Variants in TRAF7 observed in about 807,000 individuals in gnomAD.
TRAF7 encodes E3 ubiquitin-protein ligase TRAF7.
TRAF7 carries 45 observed loss-of-function variants against 89.3 expected under a neutral mutation model. The observed-to-expected ratio is 0.50, with a 90% CI of 0.40 to 0.65. The LOEUF (loss-of-function observed/expected upper bound fraction) is 0.65. TRAF7 is among the 30% of genes least tolerant of loss of function. The pLI, the probability that TRAF7 is intolerant of heterozygous loss-of-function variation, is 0.00. For missense variants in TRAF7, 677 were observed against 918.1 expected, an observed-to-expected ratio of 0.74 and a Z score of 3.39; for synonymous variants, 406 against 369.2, an observed-to-expected ratio of 1.10 and a Z score of -1.14.
At position 2,173,177 on chromosome 16, in the gene TRAF7, C is replaced by T. The variant is rs752757128; in HGVS notation, c.795-5C>T. The T allele has an allele frequency of 8.4e-5, 135 of 1,602,936 alleles. No homozygotes were observed. The highest frequency in any genetic ancestry group is 1.7e-4 in the Middle Eastern group (1 of 6,036). On this transcript the variant is annotated splice_region_variant and splice_polypyrimidine_tract_variant and intron_variant, in intron 9 of 20. Transcript: ENST00000326181. ...GCCAGGCAGGCAGCTGTCCTGTCCC[C>T]GCAGGTGCACGTTCATCGGGAACCA... is the stretch of plus-strand genomic sequence containing the variant.
chr16:2,176,563 TG>T lies in TRAF7; in HGVS notation c.2004del (p.Trp668Ter). Reference sequence around the variant, plus strand: ...TGAAGCAGCCCTTTCTCTGCAGGTTTGGACTTGCTAACAGGATCCAGGCCAG... The same window carrying T: ...TGAAGCAGCCCTTTCTCTGCAGGTTTGACTTGCTAACAGGATCCAGGCCAG... ...SGAVDSTVKV[W>X]TC On this transcript the variant is annotated frameshift_variant, in exon 21 of 21. Transcript: ENST00000326181. LOFTEE classifies it high-confidence loss of function. The T allele has an allele frequency of 6.2e-7, 1 of 1,613,432 alleles. No homozygotes were observed. The highest frequency in any genetic ancestry group is 8.5e-7 in the Non-Finnish European group (1 of 1,179,998).
Position 2,163,753 on chromosome 16 carries a change from C to T in TRAF7, c.-38-130C>T, listed in dbSNP as rs749263331. On this transcript the variant is annotated intron_variant, in intron 1 of 20. Coordinates refer to ENST00000326181, the MANE Select transcript of TRAF7 (RefSeq NM_032271.3). This position sits in a 1 kb window ranked among gnomAD's most constrained non-coding sequence, Gnocchi z 4.3. ...TCCTAGAGGCCTGCCTGAGCCGGGG[C>T]TGGTGGTGGAAGGCTGCTGCGGCGG... The T allele has an allele frequency of 6.1e-6, 4 of 655,546 alleles. No homozygotes were observed. In the African/African-American group the frequency reaches 7.2e-5, roughly 12 times the overall value. The allele number at this position is 655,546 out of a possible 1,614,324, so 40.6% of individuals were successfully genotyped here.
At position 2,163,799 on chromosome 16, in the gene TRAF7, G is replaced by C. The variant is rs138967457; in HGVS notation, c.-38-84G>C. ...GGCGGCCCCACGGTGCCCCACAGCA[G>C]GTCTGCACACTTGCAGCAGCCCGTC... is the stretch of plus-strand genomic sequence containing the variant. On this transcript the variant is annotated intron_variant, in intron 1 of 20. Transcript: ENST00000326181. The surrounding 1 kb of genome is among the most constrained non-coding windows in gnomAD (Gnocchi z 4.3). 7.3e-3 allele frequency: 6,661 copies of C among 915,298 alleles called. 34 individuals are homozygous for C. The highest frequency in any genetic ancestry group is 8.2e-3 in the Non-Finnish European group (4,715 of 575,438). The allele number at this position is 915,298 out of a possible 1,614,324, so 56.7% of individuals were successfully genotyped here.
intron 2 of TRAF7, among the ~76,000 whole-genome samples, 178 bp downstream of exon 2, chr16:2,164,179 CGCACGCGTGCGTGT>C (rs1448419584): frequency 1.7e-5 from 2 of 120,874 alleles, no homozygotes; most frequent in Non-Finnish European, 3.4e-5. Context: ...CGCGCGCGCG[CGCACGCGTGCGTGT>C]GTGGTTGGGG....
Position 2,175,497 on chromosome 16 carries a change from C to T in TRAF7, c.1504-3C>T, listed in dbSNP as rs367708945. ...CAGCCCACAGTTGCAGCAATCCCTG[C>T]AGGTCTGGGACATCGTGGGCACTGA... On this transcript the variant is annotated splice_polypyrimidine_tract_variant and splice_region_variant and intron_variant, in intron 16 of 20. Coordinates refer to ENST00000326181, the MANE Select transcript of TRAF7 (RefSeq NM_032271.3). 1.9e-5 allele frequency: 30 copies of T among 1,613,192 alleles called. No homozygotes were observed. Among genetic ancestry groups the T allele is most frequent in the Non-Finnish European group, 1.9e-5 (23 of 1,179,896 alleles).
chr16:2,172,383 C>T lies in TRAF7; in HGVS notation c.659+9C>T, dbSNP rs2093115735. On this transcript the variant is annotated intron_variant, in intron 8 of 20. Transcript: ENST00000326181. The stretch of plus-strand genomic sequence containing the variant: ...AAGCTCAGCGCCCGGAAGTAAGTGC[C>T]CCTCCCTGGGCACCTCTGCCTCCCT... 6.2e-7 allele frequency: 1 copy of T among 1,611,596 alleles called. No individual in the cohort carries two copies.
intron 14 of TRAF7, among the ~76,000 whole-genome samples, chr16:2,174,852 T>C (rs538218547): frequency 2.0e-5 from 3 of 152,208 alleles, no homozygotes; most frequent in Non-Finnish European, 4.4e-5. Flanking sequence ...TGGGACTGAC[T>C]CAGGGCTGAC....
Position 2,166,009 on chromosome 16 carries a change from TGAGG to T in TRAF7, c.139+76_139+79del, listed in dbSNP as rs151202751. ...CCCCCATGCCCACCCTGCTAAGGAC[TGAGG>T]GACACTTCCCGGTGAGCTGGTGTTG... On this transcript the variant is annotated intron_variant, in intron 3 of 20. Coordinates refer to ENST00000326181, the MANE Select transcript of TRAF7 (RefSeq NM_032271.3). The T allele has an allele frequency of 7.0e-4, 1,105 of 1,575,302 alleles. 9 individuals are homozygous for T. In the East Asian group the frequency reaches 0.015, roughly 21 times the overall value.
chr16:2,172,477 C>T lies in TRAF7; in HGVS notation c.672C>T (p.Gly224=), dbSNP rs1223026830. 1 of 1,609,870 alleles carries T rather than the reference C, an allele frequency of 6.2e-7. No homozygotes were observed. The highest frequency in any genetic ancestry group is 8.5e-7 in the Non-Finnish European group (1 of 1,178,998). Residue 224 remains glycine, a synonymous_variant, in exon 9 of 21, where the codon GGC becomes GGT. Coordinates refer to ENST00000326181, the MANE Select transcript of TRAF7 (RefSeq NM_032271.3). ...CGCCCTGGCACAGGGACCACGAGGG[C>T]AGCTGTGACTACAGGCCTGTGCGGT... is the stretch of plus-strand genomic sequence containing the variant. The part of the protein sequence containing the change: ...IKLSARKDHE[G]SCDYRPVRCP...
chr16:2,171,382 C>G, intron 6 of TRAF7, 26 bp downstream of exon 6: 4 of 1,543,960 alleles, frequency 2.6e-6, no homozygotes, highest in Non-Finnish European at 3.5e-6. Flanking sequence ...TTCCCAGCCC[C>G]CCTGCTGCCA....
chr16:2,178,047 A>T lies in TRAF7; in HGVS notation c.*1473A>T. 1 of 460,842 alleles carries T rather than the reference A, an allele frequency of 2.2e-6. No individual in the cohort carries two copies. Among genetic ancestry groups the T allele is most frequent in the Non-Finnish European group, 4.1e-6 (1 of 244,670 alleles). 28.5% of individuals were successfully genotyped at this position (460,842 alleles called of 1,614,324 possible). On this transcript the variant is annotated 3_prime_UTR_variant, in exon 21 of 21. Coordinates refer to ENST00000326181, the MANE Select transcript of TRAF7 (RefSeq NM_032271.3). ...ATAATATTTCTTTCTTTAAATATATATTTGTTAAAGTTATACCTTTTTGTT... is the reference window on the plus strand; with the variant it reads ...ATAATATTTCTTTCTTTAAATATATTTTTGTTAAAGTTATACCTTTTTGTT...
chr16:2,163,998 A>G lies in TRAF7; in HGVS notation c.78A>G (p.Thr26=), dbSNP rs1451382180. The G allele has an allele frequency of 1.4e-5, 22 of 1,609,962 alleles. No individual in the cohort carries two copies. The highest frequency in any genetic ancestry group is 1.8e-5 in the Non-Finnish European group (21 of 1,178,512). Reference sequence around the variant, plus strand: ...ATCTTCCCACCCCAGACGTCACCACAGGGGTAAGGGTGTGCCCCTCTGCAA... The same window carrying G: ...ATCTTCCCACCCCAGACGTCACCACGGGGGTAAGGGTGTGCCCCTCTGCAA... ...PSNLPTPDVT[T]GTRMETTFGP... is the part of the protein sequence containing the mutation. The change falls in exon 2 of 21, where the codon ACA becomes ACG. Residue 26 remains threonine (T), a synonymous_variant. Transcript: ENST00000326181. This position sits in a 1 kb window ranked among gnomAD's most constrained non-coding sequence, Gnocchi z 4.3.
chr16:2,156,783 G>A (rs983774356), intron 1 of TRAF7, among the ~76,000 whole-genome samples: 4 of 152,146 alleles, frequency 2.6e-5, no homozygotes, highest in African/African-American at 9.7e-5. Flanking sequence ...TTGAGGAAGC[G>A]CTGGAGAGGC....
rs1567253343 is a variant in TRAF7 at position 2,175,120 on chromosome 16, C to T, written c.1356C>T (p.Leu452=). 2 of 1,613,786 alleles carry T rather than the reference C, an allele frequency of 1.2e-6. No homozygotes were observed. The highest frequency in any genetic ancestry group is 1.7e-6 in the Non-Finnish European group (2 of 1,179,988). The change falls in exon 15 of 21, where the codon CTC becomes CTT. Residue 452 remains leucine, a synonymous_variant. Coordinates refer to ENST00000326181, the MANE Select transcript of TRAF7 (RefSeq NM_032271.3). ...GTCTCTGCTTCCCCAGGTGCAAACT[C>T]TACAGCGGCTCTGCAGACTGCACCA... ...VLALCIQGCK[L]YSGSADCTII...
intron 4 of TRAF7, among the ~76,000 whole-genome samples, chr16:2,170,174 G>A (rs1035925084): frequency 1.3e-5 from 2 of 152,174 alleles, no homozygotes; most frequent in Admixed American, 6.5e-5. Flanking sequence ...AGCCAGGCCC[G>A]GGGGGCACCT....
intron 9 of TRAF7, among the ~76,000 whole-genome samples, 183 bp from the exon 10 acceptor site, chr16:2,172,999 T>C (rs13333044): frequency 0.13 from 19,396 of 151,098 alleles, 1,905 homozygotes; most frequent in African/African-American, 0.27. Flanking sequence ...CGTGATGGGA[T>C]CTCACTTGTG....
rs1479860314 is a variant in TRAF7, at chr16:2,162,986, C to T, written c.-38-897C>T. On this transcript the variant is annotated intron_variant, in intron 1 of 20. Transcript: ENST00000326181. The surrounding 1 kb of genome is among the most constrained non-coding windows in gnomAD (Gnocchi z 5.0). Reference sequence around the variant, plus strand: ...TGGTGCCTCACGGGGGGAGAGTGGGCGTCATCCAGCATGGACAGCCCCTTC... The same window carrying T: ...TGGTGCCTCACGGGGGGAGAGTGGGTGTCATCCAGCATGGACAGCCCCTTC... Among the ~76,000 whole-genome samples, 1 of 151,148 alleles carries T rather than the reference C, an allele frequency of 6.6e-6. No individual in the cohort carries two copies. Among genetic ancestry groups the T allele is most frequent in the Non-Finnish European group, 1.5e-5 (1 of 67,786 alleles).
intron 16 of TRAF7, 38 bp from the exon 17 acceptor site, chr16:2,175,462 C>T (rs780702499): frequency 2.5e-6 from 4 of 1,612,316 alleles, no homozygotes; most frequent in South Asian, 2.2e-5. Flanking sequence ...TGAGGCGTCC[C>T]TTGCCCGCCC....
At chr16:2,164,162 G>GCGCGCA (rs2093069931) in intron 2 of TRAF7, among the ~76,000 whole-genome samples, 161 bp downstream of exon 2, 1 of 82,106 alleles carries the variant, frequency 1.2e-5, no homozygotes, top group African/African-American at 6.3e-5. Flanking sequence ...GTGTGTGTGC[G>GCGCGCA]CGCGCGCGCG....
Sources: allele counts gnomAD v4.1 joint callset (sites outside exome capture counted in the v4.1 genomes callset), GRCh38; gene constraint gnomAD v4.1.1; non-coding constraint Gnocchi (gnomAD v3.1); transcripts MANE v1.5; gene names NCBI Gene and HGNC (gene_info 2026-07-23, HGNC 2026-07-21).